The following FAM135B variants were observed in gnomAD, a reference collection of about 807,000 sequenced individuals.
FAM135B encodes the protein protein FAM135B.
In FAM135B, 43 loss-of-function variants were observed where a neutral mutation model predicts 127.7. The ratio of observed to expected loss-of-function variants is 0.34; its 90% CI spans 0.26 to 0.43. The LOEUF (loss-of-function observed/expected upper bound fraction) is 0.43. Ranked by LOEUF, FAM135B falls within the 20% of genes least tolerant of loss-of-function variation. The pLI is 1.00. For synonymous variants in FAM135B, 670 were observed against 665.1 expected (o/e 1.01, Z -0.11); for missense variants, 1,558 against 1,725.6 (o/e 0.90, Z 1.72).
chr8:138,291,789 A>T (rs764186654), intron 3 of FAM135B, among the ~76,000 whole-genome samples: 1 of 152,176 alleles, frequency 6.6e-6, no homozygotes, highest in Non-Finnish European at 1.5e-5. Context: ...AAGAATAAAG[A>T]TCATATATTT....
intron 2 of FAM135B, among the ~76,000 whole-genome samples, chr8:138,323,055 A>C (rs1046852111): frequency 6.6e-6 from 1 of 152,224 alleles, no homozygotes; most frequent in Non-Finnish European, 1.5e-5. Context: ...ATTGGCCTCA[A>C]TGGCAATTAC....
At chr8:138,362,376 C>T (rs1422119094) in intron 2 of FAM135B, among the ~76,000 whole-genome samples, 1 of 145,960 alleles carries the variant, frequency 6.9e-6, no homozygotes, top group African/African-American at 2.5e-5. Context: ...TAGTATTGTG[C>T]ATGGACTATG....
chr8:138,346,491 A>T (rs1829419132), intron 2 of FAM135B, among the ~76,000 whole-genome samples: 1 of 152,252 alleles, frequency 6.6e-6, no homozygotes, highest in Admixed American at 6.5e-5. Flanking sequence ...GCAGCCATAA[A>T]AAGGAAGGAG....
chr8:138,350,284 A>C (rs962292823), intron 2 of FAM135B, among the ~76,000 whole-genome samples: 8 of 152,186 alleles, frequency 5.3e-5, no homozygotes, highest in South Asian at 2.1e-4. Flanking sequence ...CTTTCACCTA[A>C]GTCAACATTC....
At chr8:138,308,686 C>T (rs1050457710) in intron 3 of FAM135B, among the ~76,000 whole-genome samples, 1 of 152,074 alleles carries the variant, frequency 6.6e-6, no homozygotes, top group African/African-American at 2.4e-5. Context: ...CTTCTCTTCC[C>T]CCATTACTCG....
intron 7 of FAM135B, among the ~76,000 whole-genome samples, chr8:138,227,714 CTTTTTTTTTT>C (rs761660500): frequency 1.3e-4 from 11 of 81,826 alleles, no homozygotes; most frequent in East Asian, 3.8e-4. Context: ...TTTTGTCTCT[CTTTTTTTTTT>C]TTTTTTTTTT....
chr8:138,403,455 T>C (rs936705239), intron 1 of FAM135B, among the ~76,000 whole-genome samples: 10 of 152,204 alleles, frequency 6.6e-5, no homozygotes, highest in African/African-American at 1.9e-4. Context: ...CTCAACAACA[T>C]AGAGTTCTTC....
intron 7 of FAM135B, among the ~76,000 whole-genome samples, chr8:138,207,879 G>A (rs1817824525): frequency 6.6e-6 from 1 of 152,216 alleles, no homozygotes; most frequent in Non-Finnish European, 1.5e-5. Flanking sequence ...GAGGCTGGTA[G>A]CTGATAGCAC....
chr8:138,471,022 G>A (rs1176330883), intron 1 of FAM135B, among the ~76,000 whole-genome samples: 1 of 152,194 alleles, frequency 6.6e-6, no homozygotes, highest in Non-Finnish European at 1.5e-5. Context: ...GGGGCTGAGA[G>A]GTAAATACAT....
intron 2 of FAM135B, among the ~76,000 whole-genome samples, chr8:138,352,705 A>G (rs867446180): frequency 6.6e-6 from 1 of 152,186 alleles, no homozygotes; most frequent in African/African-American, 2.4e-5. Context: ...GCCCCCCACT[A>G]GGAGGGTATT....
At chr8:138,474,549 A>C (rs1230384189) in intron 1 of FAM135B, among the ~76,000 whole-genome samples, 2 of 152,100 alleles carry the variant, frequency 1.3e-5, no homozygotes, top group Non-Finnish European at 2.9e-5. Flanking sequence ...ACTGTGAAGA[A>C]CTGAAGTTGT....
intron 7 of FAM135B, among the ~76,000 whole-genome samples, chr8:138,229,583 G>A (rs6988219): frequency 0.39 from 59,344 of 151,996 alleles, 11,958 homozygotes; most frequent in African/African-American, 0.44. Flanking sequence ...GCAGTTTTAC[G>A]AAAAGCAGGG....
intron 11 of FAM135B, among the ~76,000 whole-genome samples, chr8:138,169,665 C>G (rs903890706): frequency 2.6e-5 from 4 of 152,158 alleles, no homozygotes; most frequent in Non-Finnish European, 5.9e-5. Context: ...TCTGGAACTT[C>G]TGGACCAGTT....
chr8:138,167,167 C>G (rs1820011242), intron 12 of FAM135B, among the ~76,000 whole-genome samples: 1 of 151,976 alleles, frequency 6.6e-6, no homozygotes. Flanking sequence ...GACAGTTGCC[C>G]AAATGGCCAA....
intron 7 of FAM135B, among the ~76,000 whole-genome samples, chr8:138,214,565 T>G (rs7462490): frequency 0.75 from 113,695 of 152,074 alleles, 42,651 homozygotes; most frequent in South Asian, 0.82. Flanking sequence ...GCAGCACAAA[T>G]AAAGATGTCT....
chr8:138,148,173 A>G (rs866107675), intron 14 of FAM135B, among the ~76,000 whole-genome samples: 2 of 152,332 alleles, frequency 1.3e-5, no homozygotes, highest in South Asian at 4.2e-4. Context: ...CATTCCCATA[A>G]TACATTAATT....
intron 1 of FAM135B, among the ~76,000 whole-genome samples, chr8:138,416,709 G>A (rs1032510117): frequency 3.9e-4 from 60 of 152,262 alleles, no homozygotes; most frequent in African/African-American, 1.4e-3. Flanking sequence ...CTGACTAGAT[G>A]TGGACAGGAA....
At chr8:138,219,991 G>T (rs1818896982) in intron 7 of FAM135B, among the ~76,000 whole-genome samples, 1 of 151,152 alleles carries the variant, frequency 6.6e-6, no homozygotes, top group African/African-American at 2.4e-5. Flanking sequence ...CATACTGATT[G>T]TTCTTGTTAA....
intron 1 of FAM135B, among the ~76,000 whole-genome samples, chr8:138,388,266 G>T (rs921930534): frequency 6.6e-6 from 1 of 152,210 alleles, no homozygotes; most frequent in Non-Finnish European, 1.5e-5. Flanking sequence ...CAAACATGTG[G>T]AGTAATAGAA....
Sources: gnomAD v4.1 joint callset for allele counts (sites outside exome capture counted in the v4.1 genomes callset) on GRCh38, gnomAD v4.1.1 for gene constraint, MANE v1.5 for transcripts, NCBI Gene and HGNC (gene_info 2026-07-23, HGNC 2026-07-21) for gene names.